EPB41L4A: variants seen among roughly 807,000 people sequenced by gnomAD.
EPB41L4A encodes band 4.1-like protein 4A.
Under a neutral mutation model 108.6 loss-of-function variants are expected in EPB41L4A, and 100 were observed. The observed-to-expected ratio is 0.92, with a 90% CI of 0.78 to 1.09. The LOEUF (loss-of-function observed/expected upper bound fraction) is 1.09, where lower values mean the gene tolerates loss of function less well. EPB41L4A is among the 50% of genes least tolerant of loss of function. The pLI is 0.00. For synonymous variants in EPB41L4A, 319 were observed against 289.0 expected (o/e 1.10, Z -1.05); for missense variants, 1,030 against 842.7 (o/e 1.22, Z -2.75).
chr5:112,166,489 T>TTCC (rs1369623408), intron 22 of EPB41L4A, among the ~76,000 whole-genome samples: 1 of 152,156 alleles, frequency 6.6e-6, no homozygotes, highest in Admixed American at 6.5e-5. Context: ...TTTCCCTACA[T>TTCC]TCCTCACTCT....
At chr5:112,356,360 C>CTT (rs1399287437) in intron 1 of EPB41L4A, among the ~76,000 whole-genome samples, 1 of 152,146 alleles carries the variant, frequency 6.6e-6, no homozygotes, top group Admixed American at 6.5e-5. Context: ...ACATCACTGT[C>CTT]TAACTTACCA....
intron 2 of EPB41L4A, among the ~76,000 whole-genome samples, chr5:112,291,612 G>A (rs1296211239): frequency 2.0e-5 from 3 of 152,090 alleles, no homozygotes; most frequent in South Asian, 4.1e-4. Context: ...ACCTTTCCCT[G>A]TGTTCATACA....
At position 112,355,573 on chromosome 5, in the gene EPB41L4A, G is replaced by A. The variant is rs188278758; in HGVS notation, c.100-48083C>T. Among the ~76,000 whole-genome samples the A allele has an allele frequency of 2.0e-5, 3 of 152,266 alleles. No individual in the cohort carries two copies. The East Asian group carries it at 5.8e-4, about 29-fold the overall frequency. On this transcript the variant is annotated intron_variant, in intron 1 of 22. Coordinates refer to ENST00000261486, the MANE Select transcript of EPB41L4A (RefSeq NM_022140.5). ...GTTCATTTCTGGTTCCTCATTAGAA[G>A]TGAGGTTTGAGACCACTAAGAATGT...
At chr5:112,366,454 G>A (rs1286990916) in intron 1 of EPB41L4A, among the ~76,000 whole-genome samples, 1 of 152,070 alleles carries the variant, frequency 6.6e-6, no homozygotes, top group African/African-American at 2.4e-5. Context: ...CCCGAGGCTG[G>A]CAACAACAGG....
chr5:112,334,040 C>G (rs10037235), intron 1 of EPB41L4A, among the ~76,000 whole-genome samples: 79,873 of 151,916 alleles, frequency 0.53, 22,018 homozygotes, highest in Middle Eastern at 0.64. Flanking sequence ...GAACGGGTTG[C>G]GGGGTGAGGG....
intron 12 of EPB41L4A, among the ~76,000 whole-genome samples, chr5:112,211,953 A>G (rs1238109314): frequency 3.9e-5 from 6 of 152,198 alleles, no homozygotes; most frequent in African/African-American, 1.2e-4. Context: ...GCCACTACCA[A>G]TAACTGAGCA....
intron 16 of EPB41L4A, among the ~76,000 whole-genome samples, chr5:112,194,879 G>A (rs1338045790): frequency 1.3e-5 from 2 of 152,152 alleles, no homozygotes; most frequent in Non-Finnish European, 2.9e-5. Context: ...AACCGATTAA[G>A]GTGAATGTCA....
chr5:112,253,246 GC>G (rs1477544960), intron 9 of EPB41L4A, among the ~76,000 whole-genome samples: 2 of 152,154 alleles, frequency 1.3e-5, no homozygotes, highest in African/African-American at 4.8e-5. Context: ...GTCACCATAT[GC>G]CCCCAGATGA....
chr5:112,261,152 T>C (rs2150441595), intron 7 of EPB41L4A, among the ~76,000 whole-genome samples: 1 of 152,326 alleles, frequency 6.6e-6, no homozygotes, highest in Non-Finnish European at 1.5e-5. Flanking sequence ...AGGACAGTGC[T>C]ATGAAGCATT....
intron 15 of EPB41L4A, among the ~76,000 whole-genome samples, chr5:112,199,816 C>T (rs1282009888): frequency 8.5e-5 from 13 of 152,246 alleles, no homozygotes; most frequent in Admixed American, 8.5e-4. Context: ...TTACCTCTCA[C>T]TGGCTACTGA....
At chr5:112,168,952 T>G in intron 21 of EPB41L4A, 43 bp downstream of exon 21, 1 of 1,531,462 alleles carries the variant, frequency 6.5e-7, no homozygotes, top group Non-Finnish European at 9.1e-7. Flanking sequence ...TGCACTGTTT[T>G]GGAGCCATGA....
rs150348671 is a variant in EPB41L4A at position 112,189,918 on chromosome 5, G to C, written c.1502+4650C>G. Among the ~76,000 whole-genome samples the C allele has an allele frequency of 3.3e-3, 503 of 152,272 alleles. 1 individual carries two copies. The highest frequency in any genetic ancestry group is 0.012 in the African/African-American group (484 of 41,556). Reference sequence around the variant, plus strand: ...CTTAAGACATATCCAGGTAAAGCTAGTTCATCAAAGGTTTCACTCTCCTAA... The same window carrying C: ...CTTAAGACATATCCAGGTAAAGCTACTTCATCAAAGGTTTCACTCTCCTAA... On this transcript the variant is annotated intron_variant, in intron 17 of 22. Transcript: ENST00000261486.
Position 112,229,210 on chromosome 5 carries a change from G to GT in EPB41L4A, c.1087+5423dup, listed in dbSNP as rs1000664449. 1.3e-4 allele frequency among the ~76,000 whole-genome samples: 20 copies of GT among 151,688 alleles called. No homozygotes were observed. In the East Asian group the frequency reaches 1.5e-3, roughly 12 times the overall value. On this transcript the variant is annotated intron_variant, in intron 12 of 22. Coordinates refer to ENST00000261486, the MANE Select transcript of EPB41L4A (RefSeq NM_022140.5). Reference sequence around the variant, plus strand: ...AAAAAATTATATACAAATGTTTTGTGTTTTTTTTGAAACACATCACATTTA... The same window carrying GT: ...AAAAAATTATATACAAATGTTTTGTGTTTTTTTTTGAAACACATCACATTTA...
chr5:112,218,320 T>TGA (rs1747802759), intron 12 of EPB41L4A, among the ~76,000 whole-genome samples: 2 of 152,210 alleles, frequency 1.3e-5, no homozygotes, highest in Admixed American at 1.3e-4. Context: ...ATAACACCTA[T>TGA]CTATGAATGG....
chr5:112,288,147 CCATG>C (rs2150526906), intron 2 of EPB41L4A, among the ~76,000 whole-genome samples: 1 of 152,268 alleles, frequency 6.6e-6, no homozygotes, highest in South Asian at 2.1e-4. Flanking sequence ...AGATTTAACA[CCATG>C]CCTCATGGAC....
At chr5:112,191,441 A>G (rs932871699) in intron 17 of EPB41L4A, among the ~76,000 whole-genome samples, 1 of 152,144 alleles carries the variant, frequency 6.6e-6, no homozygotes, top group Non-Finnish European at 1.5e-5. Flanking sequence ...GCTGGTGTGG[A>G]TTATTATTTT....
intron 12 of EPB41L4A, among the ~76,000 whole-genome samples, chr5:112,152,035 T>A (rs987174883): frequency 1.3e-5 from 2 of 152,214 alleles, no homozygotes; most frequent in African/African-American, 4.8e-5. Context: ...CCCAGCCATA[T>A]TTAGTCTTTC....
intron 9 of EPB41L4A, among the ~76,000 whole-genome samples, chr5:112,243,744 T>G (rs1749990458): frequency 6.6e-6 from 1 of 152,228 alleles, no homozygotes; most frequent in South Asian, 2.1e-4. Flanking sequence ...AACCAACCTC[T>G]GCTAGCTTCC....
chr5:112,276,705 C>G (rs62364137), intron 3 of EPB41L4A, among the ~76,000 whole-genome samples: 2 of 152,224 alleles, frequency 1.3e-5, no homozygotes, highest in Middle Eastern at 3.4e-3. Flanking sequence ...AATTTAGAAA[C>G]TGGGGAAAAG....
Sources: gnomAD v4.1 joint callset for allele counts (sites outside exome capture counted in the v4.1 genomes callset) on GRCh38, gnomAD v4.1.1 for gene constraint, MANE v1.5 for transcripts, NCBI Gene and HGNC (gene_info 2026-07-23, HGNC 2026-07-21) for gene names.